Variants in ALK observed in about 807,000 individuals in gnomAD.
The protein encoded by ALK is ALK receptor tyrosine kinase.
ALK carries 74 observed loss-of-function variants against 163.1 expected under a neutral mutation model. That is an observed-to-expected ratio of 0.45 (90% CI 0.38 to 0.55). The LOEUF (loss-of-function observed/expected upper bound fraction) is 0.55. Ranked by LOEUF, ALK falls within the 20% of genes least tolerant of loss-of-function variation. The pLI is 0.00. For missense variants in ALK, 2,063 were observed against 2,105.3 expected (o/e 0.98, Z 0.39); for synonymous variants, 960 against 843.2 (o/e 1.14, Z -2.40).
At chr2:29,740,129 C>T (rs892755204) in intron 1 of ALK, among the ~76,000 whole-genome samples, 1 of 152,036 alleles carries the variant, frequency 6.6e-6, no homozygotes, top group Non-Finnish European at 1.5e-5. Flanking sequence ...AGGTCAGAGG[C>T]TGTTGTTTCA....
At chr2:29,874,972 G>A (rs532886624) in intron 1 of ALK, among the ~76,000 whole-genome samples, 1 of 152,272 alleles carries the variant, frequency 6.6e-6, no homozygotes, top group African/African-American at 2.4e-5. Flanking sequence ...CAGGTCCTCA[G>A]GAAGTTAAAT....
intron 9 of ALK, among the ~76,000 whole-genome samples, chr2:29,277,087 A>G (rs1665567145): frequency 6.6e-6 from 1 of 152,188 alleles, no homozygotes; most frequent in African/African-American, 2.4e-5. Context: ...AGAGCAGAAA[A>G]CCAGAGCAGG....
At chr2:29,571,149 T>A (rs1674357209) in intron 3 of ALK, among the ~76,000 whole-genome samples, 1 of 152,072 alleles carries the variant, frequency 6.6e-6, no homozygotes, top group Admixed American at 6.5e-5. Context: ...AATGAACAGC[T>A]TTGCAGAGAG....
At chr2:29,881,439 C>T (rs1477056704) in intron 1 of ALK, among the ~76,000 whole-genome samples, 3 of 152,140 alleles carry the variant, frequency 2.0e-5, no homozygotes, top group African/African-American at 7.2e-5. Flanking sequence ...CTGTGTCTTC[C>T]AGGATGCAAG....
At chr2:29,852,138 G>C (rs574075211) in intron 1 of ALK, among the ~76,000 whole-genome samples, 1 of 152,184 alleles carries the variant, frequency 6.6e-6, no homozygotes, top group African/African-American at 2.4e-5. Flanking sequence ...CCCCTATGTA[G>C]CGTTTATCCA....
intron 4 of ALK, among the ~76,000 whole-genome samples, chr2:29,526,236 A>G (rs994908298): frequency 5.9e-5 from 9 of 152,126 alleles, no homozygotes; most frequent in Non-Finnish European, 1.3e-4. Context: ...GAGTGGCACA[A>G]TTACTACCAT....
At chr2:29,679,326 G>A (rs1677991306) in intron 3 of ALK, among the ~76,000 whole-genome samples, 1 of 151,490 alleles carries the variant, frequency 6.6e-6, no homozygotes, top group South Asian at 2.1e-4. Flanking sequence ...CTGATCTTGT[G>A]TGTTTTTTAG....
chr2:29,409,246 G>A (rs1669669237), intron 4 of ALK, among the ~76,000 whole-genome samples: 1 of 152,200 alleles, frequency 6.6e-6, no homozygotes, highest in Non-Finnish European at 1.5e-5. Flanking sequence ...AGTAAGGGAA[G>A]AGAATAGGTC....
At chr2:29,534,174 G>T (rs1327395237) in intron 3 of ALK, among the ~76,000 whole-genome samples, 1 of 152,156 alleles carries the variant, frequency 6.6e-6, no homozygotes, top group Non-Finnish European at 1.5e-5. Context: ...TTTTGAGCAG[G>T]TGAGTGGCAC....
At chr2:29,631,150 C>T (rs1031988924) in intron 3 of ALK, among the ~76,000 whole-genome samples, 15 of 152,316 alleles carry the variant, frequency 9.8e-5, no homozygotes, top group African/African-American at 3.6e-4. Flanking sequence ...AAAACTTGGG[C>T]ATTCATTATG....
At chr2:29,217,432 T>C (rs1669671517) in intron 23 of ALK, among the ~76,000 whole-genome samples, 1 of 151,988 alleles carries the variant, frequency 6.6e-6, no homozygotes, top group Non-Finnish European at 1.5e-5. Context: ...GCAAACCCGA[T>C]GCTGAATCTA....
At chr2:29,666,933 A>G (rs1295408181) in intron 3 of ALK, among the ~76,000 whole-genome samples, 1 of 152,088 alleles carries the variant, frequency 6.6e-6, no homozygotes, top group East Asian at 1.9e-4. Flanking sequence ...AAATGAGAAC[A>G]TGCAATATTT....
intron 1 of ALK, among the ~76,000 whole-genome samples, chr2:29,833,246 T>A (rs1665468239): frequency 6.6e-6 from 1 of 152,230 alleles, no homozygotes; most frequent in Non-Finnish European, 1.5e-5. Context: ...CTGCTCTGCA[T>A]CCCTGTGTCT....
At chr2:29,355,143 G>A (rs574808067) in intron 5 of ALK, among the ~76,000 whole-genome samples, 10 of 152,260 alleles carry the variant, frequency 6.6e-5, no homozygotes, top group South Asian at 4.1e-4. Flanking sequence ...GTGTTTGGCC[G>A]ACTCATGAGC....
chr2:29,280,249 C>A (rs1478696735), intron 9 of ALK, among the ~76,000 whole-genome samples: 1 of 137,372 alleles, frequency 7.3e-6, no homozygotes, highest in African/African-American at 2.8e-5. Context: ...ACTGAGGGAA[C>A]GTTTTAGTGT....
chr2:29,480,812 A>G (rs2148117996), intron 4 of ALK, among the ~76,000 whole-genome samples: 1 of 150,996 alleles, frequency 6.6e-6, no homozygotes. Flanking sequence ...AAAAAAAAAA[A>G]AAGCCATCAT....
intron 9 of ALK, among the ~76,000 whole-genome samples, chr2:29,293,309 T>G (rs1461608117): frequency 6.6e-6 from 1 of 152,204 alleles, no homozygotes; most frequent in Non-Finnish European, 1.5e-5. Flanking sequence ...CCTCAATACA[T>G]CATTCTGTCA....
chr2:29,781,563 C>T (rs781651624), intron 1 of ALK, among the ~76,000 whole-genome samples: 16 of 152,176 alleles, frequency 1.1e-4, no homozygotes, highest in Non-Finnish European at 2.2e-4. Context: ...TTACAATGTG[C>T]GAAGCAAACA....
intron 5 of ALK, among the ~76,000 whole-genome samples, chr2:29,364,445 C>A (rs1461548245): frequency 2.0e-5 from 3 of 152,194 alleles, no homozygotes; most frequent in Non-Finnish European, 4.4e-5. Flanking sequence ...AAGACCCTGG[C>A]ACACTTGCAG....
Sources: gnomAD v4.1 joint callset for allele counts (sites outside exome capture counted in the v4.1 genomes callset) on GRCh38, gnomAD v4.1.1 for gene constraint, MANE v1.5 for transcripts, NCBI Gene and HGNC (gene_info 2026-07-23, HGNC 2026-07-21) for gene names.